Variants in DLG2 observed in about 807,000 individuals in gnomAD.
DLG2 encodes discs large MAGUK scaffold protein 2, also known as disks large homolog 2.
DLG2 carries 45 observed loss-of-function variants against 132.5 expected under a neutral mutation model. The ratio of observed to expected loss-of-function variants is 0.34; its 90% CI spans 0.27 to 0.44. DLG2 has a LOEUF of 0.44. Among genes scored for constraint, DLG2 ranks in the 20% least tolerant of loss-of-function variants. The probability of loss-of-function intolerance (pLI) is 1.00; values close to 1 mark genes in which losing one functional copy is unlikely to be tolerated. For synonymous variants in DLG2, 424 were observed against 419.6 expected, an observed-to-expected ratio of 1.01 and a Z score of -0.13; for missense variants, 1,045 against 1,196.9, an observed-to-expected ratio of 0.87 and a Z score of 1.87.
At chr11:85,235,861 G>T (rs1029174375) in intron 4 of DLG2, among the ~76,000 whole-genome samples, 20 of 151,838 alleles carry the variant, frequency 1.3e-4, no homozygotes, top group African/African-American at 4.8e-4. Flanking sequence ...GCCAGTAAAA[G>T]TTGTTGAGGA....
chr11:85,371,918 T>C (rs2085011182), intron 3 of DLG2, among the ~76,000 whole-genome samples: 1 of 152,254 alleles, frequency 6.6e-6, no homozygotes, highest in Non-Finnish European at 1.5e-5. Context: ...AGTATAAGAC[T>C]AAAGTCCCTT....
intron 8 of DLG2, among the ~76,000 whole-genome samples, chr11:84,237,898 G>A (rs1352904919): frequency 6.6e-6 from 1 of 151,682 alleles, no homozygotes; most frequent in African/African-American, 2.4e-5. Context: ...AAAATTAGCC[G>A]GGTGTGGTGG....
Position 84,665,196 on chromosome 11 carries a change from A to C in DLG2, c.358-130465T>G, listed in dbSNP as rs185095946. On this transcript the variant is annotated intron_variant, in intron 6 of 27. Transcript: ENST00000376104. ...AAATTTTAAGTATGTTTGTTATCACAGCTGACCAACACATTGATAATGATG... is the reference window on the plus strand; with the variant it reads ...AAATTTTAAGTATGTTTGTTATCACCGCTGACCAACACATTGATAATGATG... 8.4e-4 allele frequency among the ~76,000 whole-genome samples: 128 copies of C among 152,282 alleles called. 2 individuals are homozygous for C. Among genetic ancestry groups the C allele is most frequent in the African/African-American group, 2.9e-3 (119 of 41,582 alleles).
intron 14 of DLG2, among the ~76,000 whole-genome samples, chr11:83,945,344 T>C (rs566636008): frequency 1.2e-3 from 176 of 152,292 alleles, no homozygotes; most frequent in Non-Finnish European, 1.9e-3. Flanking sequence ...GTTTTGAGCT[T>C]CCTGTTTTTT....
intron 19 of DLG2, among the ~76,000 whole-genome samples, chr11:83,627,887 G>C (rs1193411213): frequency 2.6e-5 from 4 of 151,994 alleles, no homozygotes; most frequent in Non-Finnish European, 5.9e-5. Context: ...TGTTTCCTGA[G>C]TTTTTAATGA....
chr11:85,628,297 A>T (rs2082121481), upstream of DLG2, among the ~76,000 whole-genome samples: 1 of 152,218 alleles, frequency 6.6e-6, no homozygotes, highest in Non-Finnish European at 1.5e-5. Flanking sequence ...ACATTACAAC[A>T]TTCGGGCCGC....
intron 6 of DLG2, among the ~76,000 whole-genome samples, chr11:85,064,647 A>G (rs2064628295): frequency 6.6e-6 from 1 of 151,760 alleles, no homozygotes; most frequent in Admixed American, 6.6e-5. Context: ...CTGTGGTACC[A>G]AGCTGTTTGG....
intron 18 of DLG2, among the ~76,000 whole-genome samples, chr11:83,757,454 G>A (rs1282217141): frequency 6.6e-6 from 1 of 152,208 alleles, no homozygotes; most frequent in East Asian, 1.9e-4. Flanking sequence ...AAGTGTTAAA[G>A]AGGTGAGCTG....
At chr11:85,494,516 A>G (rs2093629133) in intron 3 of DLG2, among the ~76,000 whole-genome samples, 1 of 152,170 alleles carries the variant, frequency 6.6e-6, no homozygotes, top group East Asian at 1.9e-4. Flanking sequence ...GAAAGTAAGC[A>G]ATGTTAAAAT....
intron 6 of DLG2, among the ~76,000 whole-genome samples, chr11:84,844,352 T>C (rs1445885307): frequency 1.3e-5 from 2 of 151,652 alleles, no homozygotes; most frequent in Non-Finnish European, 2.9e-5. Context: ...TAGCACAGAA[T>C]ACATACAAAA....
At chr11:85,119,220 G>GAGCCA (rs1241558234) in intron 5 of DLG2, among the ~76,000 whole-genome samples, 1 of 151,968 alleles carries the variant, frequency 6.6e-6, no homozygotes, top group African/African-American at 2.4e-5. Flanking sequence ...AGCAATTTAA[G>GAGCCA]ATAACTAAAT....
chr11:83,502,094 A>G (rs1474078166), intron 21 of DLG2, among the ~76,000 whole-genome samples: 1 of 152,224 alleles, frequency 6.6e-6, no homozygotes, highest in Non-Finnish European at 1.5e-5. Context: ...GCTTACTCAT[A>G]TAGCGGATAC....
At chr11:83,979,410 A>G (rs2514146) in intron 12 of DLG2, among the ~76,000 whole-genome samples, 149,724 of 152,286 alleles carry the variant, frequency 0.98, 73,609 homozygotes, top group East Asian at 1. Context: ...AGACAGATAC[A>G]CTAATCTTAC....
At chr11:84,099,122 T>C in intron 9 of DLG2, 75 bp from the exon 10 acceptor site, 2 of 1,327,410 alleles carry the variant, frequency 1.5e-6, no homozygotes, top group South Asian at 2.4e-5. Flanking sequence ...CTCTGCATTA[T>C]CATGTTACTA....
At chr11:84,544,682 T>A (rs1451693485) in intron 6 of DLG2, among the ~76,000 whole-genome samples, 1 of 152,194 alleles carries the variant, frequency 6.6e-6, no homozygotes, top group Non-Finnish European at 1.5e-5. Flanking sequence ...ACTGAAGTTA[T>A]GAACCAGGAA....
intron 7 of DLG2, among the ~76,000 whole-genome samples, chr11:84,300,661 A>G (rs996896716): frequency 6.6e-6 from 1 of 152,204 alleles, no homozygotes; most frequent in Non-Finnish European, 1.5e-5. Context: ...TGTGGCAGGT[A>G]TTATAGAAGA....
chr11:83,870,947 G>T (rs1289081925), intron 16 of DLG2, among the ~76,000 whole-genome samples: 1 of 152,120 alleles, frequency 6.6e-6, no homozygotes, highest in Admixed American at 6.5e-5. Flanking sequence ...CAATGTAAAA[G>T]GTACCCCCTG....
chr11:84,243,017 C>CTCTCTATATA (rs542476924), intron 8 of DLG2, among the ~76,000 whole-genome samples: 142 of 142,184 alleles, frequency 1.0e-3, no homozygotes, highest in African/African-American at 2.7e-3. Context: ...CTCTCTCTCT[C>CTCTCTATATA]TATATATATA....
chr11:83,615,741 G>T (rs2060707137), intron 19 of DLG2, among the ~76,000 whole-genome samples: 2 of 152,176 alleles, frequency 1.3e-5, no homozygotes, highest in Admixed American at 1.3e-4. Flanking sequence ...GAATGCAGCA[G>T]CCTCTAGAAG....
Sources: gnomAD v4.1 joint callset for allele counts (sites outside exome capture counted in the v4.1 genomes callset) on GRCh38, gnomAD v4.1.1 for gene constraint, MANE v1.5 for transcripts, NCBI Gene and HGNC (gene_info 2026-07-23, HGNC 2026-07-21) for gene names.